PCDHGA9: variants seen among roughly 807,000 people sequenced by gnomAD.
PCDHGA9 encodes the protein protocadherin gamma-A9.
A neutral mutation model predicts 62.5 loss-of-function variants in PCDHGA9; 37 were observed. The observed-to-expected ratio is 0.59, with a 90% CI of 0.46 to 0.78. The LOEUF (loss-of-function observed/expected upper bound fraction) is 0.78. PCDHGA9 is among the 30% of genes least tolerant of loss of function. PCDHGA9 has a pLI of 0.00. For missense variants in PCDHGA9, 1,138 were observed against 1,166.2 expected (o/e 0.98, Z 0.35); for synonymous variants, 459 against 484.6 (o/e 0.95, Z 0.69).
rs558074504 is a variant in PCDHGA9, at chr5:141,489,065, C to G, written c.2425-5742C>G. On this transcript the variant is annotated intron_variant, in intron 1 of 3. Coordinates refer to ENST00000573521, the MANE Select transcript of PCDHGA9 (RefSeq NM_018921.3). This position sits in a 1 kb window ranked among gnomAD's most constrained non-coding sequence, Gnocchi z 4.5. ...CCACTCAAATTCAGCTCCCCTCCCC[C>G]CTGCCCACCCCCGCCACTCGGTGAC... is the stretch of plus-strand genomic sequence containing the variant. The G allele has an allele frequency of 1.5e-4, 57 of 389,046 alleles. No homozygotes were observed. Among genetic ancestry groups the G allele is most frequent in the African/African-American group, 8.5e-4 (40 of 47,278 alleles). 24.1% of individuals were successfully genotyped at this position (389,046 alleles called of 1,614,324 possible).
rs2099427641 is a variant in PCDHGA9, at chr5:141,477,974, G to T, written c.2425-16833G>T. The T allele has an allele frequency of 1.2e-6, 2 of 1,614,034 alleles. No homozygotes were observed. The highest frequency in any genetic ancestry group is 1.6e-4 in the Middle Eastern group (1 of 6,062). On this transcript the variant is annotated intron_variant, in intron 1 of 3. Transcript: ENST00000573521. This position sits in a 1 kb window ranked among gnomAD's most constrained non-coding sequence, Gnocchi z 4.9. ...GGGATCCCCTAACCAGAGCCTTTTT[G>T]CCATAGGGCTGCACACTGGTCAAAT...
chr5:141,470,828 C>A (rs1328067769), intron 1 of PCDHGA9, among the ~76,000 whole-genome samples: 1 of 151,994 alleles, frequency 6.6e-6, no homozygotes, highest in Non-Finnish European at 1.5e-5. Flanking sequence ...GTTAGGACGA[C>A]AAACACACGC....
At position 141,490,169 on chromosome 5, in the gene PCDHGA9, T is replaced by C; in HGVS notation, c.2425-4638T>C. ...ATCCATGTGTTGGGTCCCATAGACT[T>C]TGAGGAGTCACGTTTCTATGAAATT... On this transcript the variant is annotated intron_variant, in intron 1 of 3. Transcript: ENST00000573521. This position sits in a 1 kb window ranked among gnomAD's most constrained non-coding sequence, Gnocchi z 5.4. 6.2e-7 allele frequency: 1 copy of C among 1,614,190 alleles called. No individual in the cohort carries two copies. The highest frequency in any genetic ancestry group is 8.5e-7 in the Non-Finnish European group (1 of 1,180,018).
chr5:141,508,269 C>G (rs1459186158), intron 3 of PCDHGA9: 1 of 152,186 alleles, frequency 6.6e-6, no homozygotes, highest in Non-Finnish European at 1.5e-5. Flanking sequence ...GAGAAAATCC[C>G]GGTCCTTGAC....
At chr5:141,450,006 CTTTTTT>C (rs1554136305) in intron 1 of PCDHGA9, among the ~76,000 whole-genome samples, 7,115 of 132,964 alleles carry the variant, frequency 0.054, 434 homozygotes, top group African/African-American at 0.14. Flanking sequence ...TGCCATGTCT[CTTTTTT>C]TTTTTTTTTT....
In PCDHGA9 at chr5:141,511,217, C is replaced by A. The variant is rs766814445; in HGVS notation, c.*44C>A. On this transcript the variant is annotated 3_prime_UTR_variant, in exon 4 of 4. Transcript: ENST00000573521. ...AGCCACAGGGCGGCCTCTCCCCAAC[C>A]AGCCCAGCTTCTCCTTACCTGCACC... The A allele has an allele frequency of 2.5e-6, 4 of 1,607,588 alleles. No homozygotes were observed. Among genetic ancestry groups the A allele is most frequent in the Non-Finnish European group, 3.4e-6 (4 of 1,177,026 alleles).
In PCDHGA9 at chr5:141,404,217, T is replaced by C. The variant is rs1188874623; in HGVS notation, c.1265T>C (p.Val422Ala). 1 of 1,613,588 alleles carries C rather than the reference T, an allele frequency of 6.2e-7. No individual in the cohort carries two copies. The highest frequency in any genetic ancestry group is 8.5e-7 in the Non-Finnish European group (1 of 1,179,758). ...REKASEYNIT[V>A]TATDRGTPPL... ...AAAGCCTCAGAATATAATATCACGG[T>C]GACTGCAACAGACAGAGGAACTCCG... The change falls in exon 1 of 4, where the codon GTG (valine) becomes GCG (alanine). Residue 422 changes from valine to alanine, a missense_variant. Coordinates refer to ENST00000573521, the MANE Select transcript of PCDHGA9 (RefSeq NM_018921.3).
intron 1 of PCDHGA9, chr5:141,424,098 C>T: frequency 8.3e-6 from 7 of 846,340 alleles, no homozygotes; most frequent in Non-Finnish European, 1.0e-5. Flanking sequence ...TTTGCTATTA[C>T]TGCTAATGTT....
intron 1 of PCDHGA9, among the ~76,000 whole-genome samples, chr5:141,455,160 G>GTT (rs59530096): frequency 1.3e-4 from 20 of 149,232 alleles, no homozygotes; most frequent in South Asian, 1.1e-3. Flanking sequence ...TAGTTTGTTG[G>GTT]TTTTTTTTTT....
At chr5:141,408,959 G>A (rs1434961395) in intron 1 of PCDHGA9, 1 of 1,613,722 alleles carries the variant, frequency 6.2e-7, no homozygotes, top group East Asian at 2.2e-5. Context: ...TAGTCTTAGT[G>A]AAAATCTGCC....
intron 1 of PCDHGA9, chr5:141,423,709 C>G (rs2096768343): frequency 8.7e-7 from 1 of 1,147,590 alleles, no homozygotes; most frequent in African/African-American, 1.9e-5. Context: ...TGGCACAAGT[C>G]TTTTAAGGAG....
At chr5:141,438,765 G>A (rs1012158127) in intron 1 of PCDHGA9, among the ~76,000 whole-genome samples, 5 of 149,658 alleles carry the variant, frequency 3.3e-5, no homozygotes, top group Middle Eastern at 3.4e-3. Context: ...GGGTTCAAGC[G>A]ATTCTCCTGC....
At chr5:141,421,080 C>CA (rs2096545590) in intron 1 of PCDHGA9, 1 of 638,250 alleles carries the variant, frequency 1.6e-6, no homozygotes, top group East Asian at 2.9e-5. Context: ...GATGGATACT[C>CA]ACAGATCCTG....
In PCDHGA9 at chr5:141,408,106, G is replaced by A. The variant is rs1474157141; in HGVS notation, c.2424+2730G>A. The A allele has an allele frequency of 8.3e-6, 12 of 1,444,288 alleles. No individual in the cohort carries two copies. In the East Asian group the frequency reaches 2.7e-4, roughly 33 times the overall value. 89.5% of individuals were successfully genotyped at this position (1,444,288 alleles called of 1,614,324 possible). On this transcript the variant is annotated intron_variant, in intron 1 of 3. Transcript: ENST00000573521. ...AGCGGATTGCCAGCTCCGAGACCCG[G>A]GACTCCTCCTGTCCTGGGCCGAATG...
At chr5:141,469,104 C>G (rs1046234848) in intron 1 of PCDHGA9, among the ~76,000 whole-genome samples, 3 of 151,760 alleles carry the variant, frequency 2.0e-5, no homozygotes, top group Middle Eastern at 3.2e-3. Flanking sequence ...AAGCAAGAAC[C>G]TGTCTCTAAA....
Position 141,427,133 on chromosome 5 carries a change from A to AGAT in PCDHGA9, c.2424+21761_2424+21763dup, listed in dbSNP as rs370316028. 2.9e-4 allele frequency: 134 copies of AGAT among 457,190 alleles called. 1 individual carries two copies. The highest frequency in any genetic ancestry group is 2.4e-3 in the African/African-American group (123 of 50,216). The allele number at this position is 457,190 out of a possible 1,614,324, so 28.3% of individuals were successfully genotyped here. On this transcript the variant is annotated intron_variant, in intron 1 of 3. Transcript: ENST00000573521. ...TCACCTACTCTTTCAAATCCCTACG[A>AGAT]GATGATATTGGAAATATGTTTGTGC...
chr5:141,438,767 T>C (rs1478209487), intron 1 of PCDHGA9, among the ~76,000 whole-genome samples: 2 of 148,566 alleles, frequency 1.3e-5, no homozygotes, highest in Non-Finnish European at 3.0e-5. Flanking sequence ...GTTCAAGCGA[T>C]TCTCCTGCCT....
chr5:141,421,255 C>T lies in PCDHGA9; in HGVS notation c.2424+15879C>T, dbSNP rs759899934. On this transcript the variant is annotated intron_variant, in intron 1 of 3. Coordinates refer to ENST00000573521, the MANE Select transcript of PCDHGA9 (RefSeq NM_018921.3). ...GGCGAATCGGCTACAGCGCGGGGAC[C>T]GCAGTCGGCTGCTGCTGCTGCTGTG... 5.2e-5 allele frequency: 84 copies of T among 1,607,644 alleles called. No individual in the cohort carries two copies. Among genetic ancestry groups the T allele is most frequent in the Non-Finnish European group, 6.8e-5 (80 of 1,177,916 alleles).
chr5:141,407,505 T>TTTTTTTTTTTTTTTTTGAGACGG (rs1460306566), intron 1 of PCDHGA9, among the ~76,000 whole-genome samples: 2 of 152,146 alleles, frequency 1.3e-5, no homozygotes, highest in African/African-American at 4.8e-5. Flanking sequence ...CTGTTTTTCT[T>TTTTTTTTTTTTTTTTTGAGACGG]AGGCTATGTA....
Sources: gnomAD v4.1 joint callset for allele counts (sites outside exome capture counted in the v4.1 genomes callset) on GRCh38, gnomAD v4.1.1 for gene constraint, Gnocchi (gnomAD v3.1) non-coding constraint, MANE v1.5 for transcripts, NCBI Gene and HGNC (gene_info 2026-07-23, HGNC 2026-07-21) for gene names.